SUPT20H: variants seen among roughly 807,000 people sequenced by gnomAD.
SUPT20H encodes the protein transcription factor SPT20 homolog.
Under a neutral mutation model 122.8 loss-of-function variants are expected in SUPT20H, and 82 were observed. The ratio of observed to expected loss-of-function variants is 0.67; its 90% CI spans 0.56 to 0.80. SUPT20H has a LOEUF of 0.80. Among genes scored for constraint, SUPT20H ranks in the 30% least tolerant of loss-of-function variants. The pLI is 0.00. For missense variants in SUPT20H, 831 were observed against 921.6 expected (o/e 0.90, Z 1.27); for synonymous variants, 291 against 313.0 (o/e 0.93, Z 0.74).
At chr13:37,014,786 TACAA>T (rs2060156227) in intron 23 of SUPT20H, among the ~76,000 whole-genome samples, 1 of 152,184 alleles carries the variant, frequency 6.6e-6, no homozygotes, top group South Asian at 2.1e-4. Flanking sequence ...CTTACGAAAC[TACAA>T]ACTATCATCC....
intron 11 of SUPT20H, 38 bp from the exon 12 acceptor site, chr13:37,031,661 C>T (rs1208434108): frequency 1.9e-6 from 3 of 1,541,248 alleles, no homozygotes; most frequent in African/African-American, 2.8e-5. Flanking sequence ...AAATTAAAAA[C>T]AATATAAATA....
chr13:37,028,033 T>C (rs898382317), intron 14 of SUPT20H, 115 bp downstream of exon 14: 1 of 953,020 alleles, frequency 1.0e-6, no homozygotes, highest in Admixed American at 3.8e-5. Context: ...ATTTAACTAA[T>C]AAGTGAGTTC....
chr13:37,036,461 A>G (rs2064424612), intron 9 of SUPT20H, among the ~76,000 whole-genome samples: 1 of 151,884 alleles, frequency 6.6e-6, no homozygotes. Flanking sequence ...AGTAGCTGGG[A>G]CTACAAGCGC....
At chr13:37,034,923 G>A (rs2064055828) in intron 9 of SUPT20H, among the ~76,000 whole-genome samples, 1 of 152,164 alleles carries the variant, frequency 6.6e-6, no homozygotes, top group South Asian at 2.1e-4. Flanking sequence ...ACAAAGCCTG[G>A]ATGACAGCAC....
chr13:37,039,888 A>G (rs935661159), intron 9 of SUPT20H: 1 of 152,154 alleles, frequency 6.6e-6, no homozygotes, highest in African/African-American at 2.4e-5. Flanking sequence ...AGAAAAGTTT[A>G]TATTTTTTAT....
chr13:37,041,155 T>C (rs1485666142), intron 7 of SUPT20H, among the ~76,000 whole-genome samples: 1 of 152,222 alleles, frequency 6.6e-6, no homozygotes, highest in Non-Finnish European at 1.5e-5. Context: ...TCTGCTAAAA[T>C]TTTCAGAAAT....
At chr13:37,041,080 A>G (rs148940764) in intron 7 of SUPT20H, among the ~76,000 whole-genome samples, 7 of 152,318 alleles carry the variant, frequency 4.6e-5, no homozygotes, top group Non-Finnish European at 4.4e-5. Context: ...AAAGTTTATC[A>G]TTGTTATAAA....
chr13:37,010,632 C>T lies in SUPT20H; in HGVS notation c.2122G>A (p.Glu708Lys), dbSNP rs779871083. 8.1e-6 allele frequency: 13 copies of T among 1,613,434 alleles called. No individual in the cohort carries two copies. The highest frequency in any genetic ancestry group is 5.0e-5 in the Admixed American group (3 of 59,918). The change falls in exon 25 of 26, where the codon GAG becomes AAG. Residue 708 changes from glutamate (E) to lysine (K), a missense_variant. Transcript: ENST00000350612. ...GGAAGGCTTTGCTCAGGTCTGTTCT[C>T]GGCAGAGCCAAGCTGAGACAACACT... is the stretch of plus-strand genomic sequence containing the variant. Reference protein sequence around the residue: ...AAVLSQLGSAENRPEQSLPQQ... With the variant: ...AAVLSQLGSAKNRPEQSLPQQ...
chr13:37,052,430 T>A (rs902507614), intron 1 of SUPT20H, among the ~76,000 whole-genome samples: 2 of 152,156 alleles, frequency 1.3e-5, no homozygotes, highest in Non-Finnish European at 2.9e-5. Flanking sequence ...GGGAGAGGAT[T>A]CCCTATCTAA....
intron 19 of SUPT20H, 190 bp downstream of exon 19, chr13:37,023,845 A>G (rs1408345384): frequency 8.2e-6 from 4 of 486,724 alleles, no homozygotes; most frequent in Non-Finnish European, 1.4e-5. Flanking sequence ...CAGAAAAACA[A>G]GTACAATTAC....
At chr13:37,055,110 A>T (rs1212773680) in intron 1 of SUPT20H, among the ~76,000 whole-genome samples, 1 of 152,244 alleles carries the variant, frequency 6.6e-6, no homozygotes, top group African/African-American at 2.4e-5. Flanking sequence ...GCTCAAGGAA[A>T]TAAAAGAGGA....
chr13:37,048,058 A>G (rs1026514480), intron 3 of SUPT20H, 122 bp from the exon 4 acceptor site: 11 of 578,340 alleles, frequency 1.9e-5, no homozygotes, highest in African/African-American at 1.4e-4. Flanking sequence ...TCTGAATTAC[A>G]TCTTGTAGGA....
Position 37,031,642 on chromosome 13 carries a change from T to G in SUPT20H, c.865-19A>C. 6.4e-7 allele frequency: 1 copy of G among 1,554,708 alleles called. No homozygotes were observed. The highest frequency in any genetic ancestry group is 1.3e-5 in the South Asian group (1 of 79,532). On this transcript the variant is annotated intron_variant, in intron 11 of 25. Transcript: ENST00000350612. ...CTACACACTGAAAAATTAAAAACAA[T>G]ATACTGAAAAATTAAAAACAATATA... is the stretch of plus-strand genomic sequence containing the variant.
chr13:37,041,612 T>G (rs979303588), intron 7 of SUPT20H, among the ~76,000 whole-genome samples: 1 of 152,138 alleles, frequency 6.6e-6, no homozygotes, highest in South Asian at 2.1e-4. Context: ...TGACTTGCCA[T>G]GGTCACTCAT....
chr13:37,032,724 C>A (rs999846178), intron 10 of SUPT20H, among the ~76,000 whole-genome samples: 1 of 152,030 alleles, frequency 6.6e-6, no homozygotes, highest in African/African-American at 2.4e-5. Context: ...CAGTGACTAC[C>A]GGGGAAAAAT....
chr13:37,030,383 G>A (rs934087541), intron 12 of SUPT20H, among the ~76,000 whole-genome samples: 1 of 152,068 alleles, frequency 6.6e-6, no homozygotes, highest in Admixed American at 6.5e-5. Context: ...TATCTTACAG[G>A]CAACCACGAT....
chr13:37,024,492 A>G, intron 17 of SUPT20H, 50 bp from the exon 18 acceptor site: 1 of 1,188,958 alleles, frequency 8.4e-7, no homozygotes, highest in Non-Finnish European at 1.1e-6. Flanking sequence ...TACTGCTATA[A>G]ACCCCAGATG....
intron 13 of SUPT20H, 92 bp from the exon 14 acceptor site, chr13:37,028,397 T>C (rs1178608792): frequency 1.7e-6 from 2 of 1,192,602 alleles, no homozygotes; most frequent in Non-Finnish European, 2.3e-6. Flanking sequence ...TACAGTAACA[T>C]GTATCTGACG....
chr13:37,028,844 A>G (rs550445127), intron 13 of SUPT20H, among the ~76,000 whole-genome samples: 2 of 151,760 alleles, frequency 1.3e-5, no homozygotes, highest in East Asian at 1.9e-4. Context: ...AGGGCAGTAC[A>G]GGATTCTTTT....
Sources: gnomAD v4.1 joint callset for allele counts (sites outside exome capture counted in the v4.1 genomes callset) on GRCh38, gnomAD v4.1.1 for gene constraint, MANE v1.5 for transcripts, NCBI Gene and HGNC (gene_info 2026-07-23, HGNC 2026-07-21) for gene names.